AGBL1: variants seen among roughly 807,000 people sequenced by gnomAD.
AGBL1 encodes the protein AGBL carboxypeptidase 1, also known as cytosolic carboxypeptidase 4.
Under a neutral mutation model 118.9 loss-of-function variants are expected in AGBL1, and 130 were observed. That is an observed-to-expected ratio of 1.09 (90% CI 0.95 to 1.26). The LOEUF (loss-of-function observed/expected upper bound fraction) is 1.26, where lower values mean the gene tolerates loss of function less well. AGBL1 is among the 50% of genes most tolerant of loss of function. The pLI is 0.00. For synonymous variants in AGBL1, 555 were observed against 478.9 expected, an observed-to-expected ratio of 1.16 and a Z score of -2.08; for missense variants, 1,584 against 1,298.1, an observed-to-expected ratio of 1.22 and a Z score of -3.38.
chr15:86,493,880 G>T lies in AGBL1; in HGVS notation c.2556-28930G>T, dbSNP rs573374207. 1.7e-4 allele frequency among the ~76,000 whole-genome samples: 26 copies of T among 151,830 alleles called. No homozygotes were observed. The Middle Eastern group carries it at 0.01, about 60-fold the overall frequency. On this transcript the variant is annotated intron_variant, in intron 18 of 22. Coordinates refer to ENST00000614907, the MANE Select transcript of AGBL1 (RefSeq NM_001386094.1). ...CACTTCCCCCTCCCCTGACTGCCCC[G>T]ACTATTTAGACTGTTTAGCTTCATA...
chr15:86,232,657 A>G (rs895130727), intron 6 of AGBL1, among the ~76,000 whole-genome samples: 1 of 152,172 alleles, frequency 6.6e-6, no homozygotes. Flanking sequence ...TACGGAGGGC[A>G]GGAGCACCCG....
intron 23 of AGBL1, among the ~76,000 whole-genome samples, chr15:86,957,049 G>A (rs965521439): frequency 1.3e-5 from 2 of 152,022 alleles, no homozygotes; most frequent in African/African-American, 2.4e-5. Flanking sequence ...CATTAGAGGT[G>A]TTATACATGG....
At chr15:86,339,194 G>C (rs533263170) in intron 17 of AGBL1, among the ~76,000 whole-genome samples, 2 of 152,226 alleles carry the variant, frequency 1.3e-5, no homozygotes, top group African/African-American at 4.8e-5. Context: ...TTTGGCCTCT[G>C]GTTTTTGATG....
At chr15:86,988,057 T>G (rs1173419365) in exon 24 of AGBL1, 1 of 1,613,678 alleles carries the variant, frequency 6.2e-7, no homozygotes, top group Non-Finnish European at 8.5e-7. Flanking sequence ...TACAAACTTT[T>G]TCAAGATGAA....
At chr15:86,676,011 G>A (rs1219819753) in intron 22 of AGBL1, among the ~76,000 whole-genome samples, 2 of 152,106 alleles carry the variant, frequency 1.3e-5, no homozygotes, top group Non-Finnish European at 2.9e-5. Flanking sequence ...GTTATTATAA[G>A]GAGATAGTAT....
At chr15:86,733,337 C>T (rs1371871250) in intron 22 of AGBL1, among the ~76,000 whole-genome samples, 1 of 152,068 alleles carries the variant, frequency 6.6e-6, no homozygotes, top group Non-Finnish European at 1.5e-5. Flanking sequence ...TATCCAGGCC[C>T]TCAACAGATT....
rs191148730 is a variant in AGBL1, at chr15:86,892,982, C to A, written c.3159-14105C>A. Among the ~76,000 whole-genome samples the A allele has an allele frequency of 2.4e-4, 37 of 152,254 alleles. No individual in the cohort carries two copies. In the East Asian group the frequency reaches 7.2e-3, roughly 29 times the overall value. ...TGCCTCTTAGATGGAGCACAGCGTT[C>A]ACACAGCTCTGCTCCTGGAGAAAAT... On this transcript the variant is annotated intron_variant, in intron 22 of 22. Transcript: ENST00000614907.
At chr15:86,738,416 A>G (rs1411462211) in intron 22 of AGBL1, among the ~76,000 whole-genome samples, 1 of 144,444 alleles carries the variant, frequency 6.9e-6, no homozygotes, top group East Asian at 2.1e-4. Flanking sequence ...AGGCATCCAA[A>G]TTGGAAAAAA....
chr15:86,932,481 TCTTTC>T (rs2080617655), intron 23 of AGBL1, among the ~76,000 whole-genome samples: 1 of 152,196 alleles, frequency 6.6e-6, no homozygotes, highest in African/African-American at 2.4e-5. Context: ...GCGTGGAAAC[TCTTTC>T]CTTCCCTTCT....
intron 24 of AGBL1, among the ~76,000 whole-genome samples, chr15:87,001,689 A>G (rs1385025713): frequency 1.3e-5 from 2 of 151,948 alleles, no homozygotes; most frequent in East Asian, 1.9e-4. Context: ...GTGGGAGATG[A>G]TATCTCATTG....
At chr15:86,537,306 A>C (rs1307325863) in intron 19 of AGBL1, among the ~76,000 whole-genome samples, 2 of 152,246 alleles carry the variant, frequency 1.3e-5, no homozygotes, top group Non-Finnish European at 2.9e-5. Context: ...TGGGCTTGGT[A>C]CACCAAATAG....
intron 18 of AGBL1, among the ~76,000 whole-genome samples, chr15:86,516,537 C>T (rs944806965): frequency 3.3e-5 from 5 of 152,150 alleles, no homozygotes; most frequent in Admixed American, 6.5e-5. Flanking sequence ...CGGTGGCTGA[C>T]GCCTGTCATC....
chr15:86,530,140 T>C (rs150996162), intron 19 of AGBL1, among the ~76,000 whole-genome samples: 3,487 of 140,688 alleles, frequency 0.025, 70 homozygotes, highest in Non-Finnish European at 0.039. Context: ...GACTAAATTC[T>C]CCAATTAAAA....
At chr15:86,834,212 C>T (rs1254989998) in intron 22 of AGBL1, among the ~76,000 whole-genome samples, 1 of 152,114 alleles carries the variant, frequency 6.6e-6, no homozygotes, top group Non-Finnish European at 1.5e-5. Flanking sequence ...GTGTTTGCAG[C>T]AACCACGGTA....
chr15:86,687,749 T>A (rs1008546747), intron 22 of AGBL1, among the ~76,000 whole-genome samples: 33 of 152,156 alleles, frequency 2.2e-4, no homozygotes, highest in African/African-American at 7.7e-4. Flanking sequence ...GTGTACATAA[T>A]GATTACAATA....
intron 13 of AGBL1, 75 bp from the exon 14 acceptor site, chr15:86,269,844 G>A (rs904794950): frequency 5.9e-6 from 9 of 1,520,594 alleles, no homozygotes; most frequent in South Asian, 3.7e-5. Flanking sequence ...AAACTGAAAC[G>A]TGTAGATTCT....
intron 21 of AGBL1, among the ~76,000 whole-genome samples, chr15:86,670,784 A>AT (rs1295324621): frequency 6.6e-6 from 1 of 151,614 alleles, no homozygotes; most frequent in Non-Finnish European, 1.5e-5. Context: ...ACATTTCCTT[A>AT]TTTTTTTCTC....
chr15:86,319,523 A>G (rs1480223714), intron 17 of AGBL1, among the ~76,000 whole-genome samples: 1 of 151,550 alleles, frequency 6.6e-6, no homozygotes, highest in African/African-American at 2.4e-5. Context: ...TTTCTCTCAC[A>G]TTATATATGG....
At chr15:86,602,147 GGCAA>G (rs889991655) in intron 21 of AGBL1, among the ~76,000 whole-genome samples, 1 of 151,264 alleles carries the variant, frequency 6.6e-6, no homozygotes, top group Admixed American at 6.6e-5. Flanking sequence ...TCACGACATT[GGCAA>G]GCATTAGTAA....
Sources: gnomAD v4.1 joint callset for allele counts (sites outside exome capture counted in the v4.1 genomes callset) on GRCh38, gnomAD v4.1.1 for gene constraint, MANE v1.5 for transcripts, NCBI Gene and HGNC (gene_info 2026-07-23, HGNC 2026-07-21) for gene names.